The following CUL1 variants were observed in gnomAD, a reference collection of about 807,000 sequenced individuals.
CUL1 encodes cullin-1.
Under a neutral mutation model 118.0 loss-of-function variants are expected in CUL1, and 24 were observed. The ratio of observed to expected loss-of-function variants is 0.20; its 90% CI spans 0.15 to 0.29. CUL1 has a LOEUF of 0.29. Ranked by LOEUF, CUL1 falls within the 10% of genes least tolerant of loss-of-function variation. The probability of loss-of-function intolerance (pLI) is 1.00; values close to 1 mark genes in which losing one functional copy is unlikely to be tolerated. For synonymous variants in CUL1, 332 were observed against 340.4 expected (o/e 0.98, Z 0.27); for missense variants, 361 against 933.8 (o/e 0.39, Z 7.99).
chr7:148,725,215 G>GCACACACACACACACACA (rs1448782052), intron 1 of CUL1, among the ~76,000 whole-genome samples: 2 of 69,036 alleles, frequency 2.9e-5, no homozygotes, highest in African/African-American at 1.2e-4. Flanking sequence ...ACACACACGC[G>GCACACACACACACACACA]CGCGCTCACA....
At chr7:148,784,632 A>T (rs1324457632) in intron 11 of CUL1, among the ~76,000 whole-genome samples, 1 of 152,090 alleles carries the variant, frequency 6.6e-6, no homozygotes, top group Non-Finnish European at 1.5e-5. Flanking sequence ...TTTCACTTTA[A>T]GTTTCCTTCA....
At chr7:148,759,178 A>C (rs1258218795) in intron 4 of CUL1, 126 bp from the exon 5 acceptor site, 1 of 842,388 alleles carries the variant, frequency 1.2e-6, no homozygotes, top group Non-Finnish European at 1.9e-6. Flanking sequence ...TCCTGATAGC[A>C]GATTTTGACC....
chr7:148,787,013 G>T lies in CUL1; in HGVS notation c.1372G>T (p.Asp458Tyr). The change falls in exon 13 of 22, where the codon GAC becomes TAC. Residue 458 changes from aspartate to tyrosine, a missense_variant. By Grantham distance (160) the Asp-to-Tyr change is radical. Coordinates refer to ENST00000325222, the MANE Select transcript of CUL1 (RefSeq NM_003592.3). The surrounding 1 kb of genome is among the most constrained non-coding windows in gnomAD (Gnocchi z 5.5). ...QVMVVFKYIE[D>Y]KDVFQKFYAK... ...GATGGTTGTCTTCAAGTACATAGAA[G>T]ACAAAGACGTATTTCAGAAGTTCTA... 6.2e-7 allele frequency: 1 copy of T among 1,611,894 alleles called. No individual in the cohort carries two copies.
At chr7:148,738,887 C>G (rs923827486) in intron 2 of CUL1, among the ~76,000 whole-genome samples, 10 of 152,044 alleles carry the variant, frequency 6.6e-5, no homozygotes, top group African/African-American at 2.4e-4. Flanking sequence ...TTCTACTCTT[C>G]TAAAGTAAAT....
intron 1 of CUL1, among the ~76,000 whole-genome samples, chr7:148,721,793 G>A (rs56086116): frequency 0.092 from 13,917 of 151,860 alleles, 701 homozygotes; most frequent in South Asian, 0.18. Flanking sequence ...GGCTCATTTT[G>A]TGTGGTCTGT....
chr7:148,799,650 C>T (rs1801321912), intron 21 of CUL1, among the ~76,000 whole-genome samples: 1 of 152,190 alleles, frequency 6.6e-6, no homozygotes, highest in Admixed American at 6.5e-5. Context: ...ACATGCCCGG[C>T]ATCCCGGAAG....
intron 2 of CUL1, among the ~76,000 whole-genome samples, chr7:148,742,265 C>G (rs572085856): frequency 1.3e-5 from 2 of 152,258 alleles, no homozygotes; most frequent in Admixed American, 1.3e-4. Flanking sequence ...AGAGGTTTAA[C>G]GGACTCAGAG....
In CUL1 at chr7:148,752,941, C is replaced by T. The variant is rs1799538974; in HGVS notation, c.141-1035C>T. On this transcript the variant is annotated intron_variant, in intron 2 of 21. Coordinates refer to ENST00000325222, the MANE Select transcript of CUL1 (RefSeq NM_003592.3). ...TGCTGGGATTACAGGCGCGAGCCAC[C>T]GCGCCCAGCCTGAATTCATTTTTTT... Among the ~76,000 whole-genome samples the T allele has an allele frequency of 5.3e-5, 8 of 152,218 alleles. No homozygotes were observed. The South Asian group carries it at 1.2e-3, about 24-fold the overall frequency.
intron 2 of CUL1, among the ~76,000 whole-genome samples, chr7:148,735,400 C>G (rs1053377892): frequency 1.3e-5 from 2 of 152,262 alleles, no homozygotes; most frequent in Non-Finnish European, 2.9e-5. Flanking sequence ...GGTCCACACT[C>G]TGACCATCGC....
At chr7:148,732,665 T>G (rs983604253) in intron 2 of CUL1, among the ~76,000 whole-genome samples, 7 of 152,154 alleles carry the variant, frequency 4.6e-5, no homozygotes, top group African/African-American at 7.2e-5. Flanking sequence ...GTGTTCTTTT[T>G]TAAATCAGGT....
At chr7:148,793,527 A>G (rs1268482630) in intron 17 of CUL1, among the ~76,000 whole-genome samples, 1 of 152,222 alleles carries the variant, frequency 6.6e-6, no homozygotes, top group African/African-American at 2.4e-5. Context: ...GACATTTCAT[A>G]TAAATGGAAT....
intron 2 of CUL1, among the ~76,000 whole-genome samples, chr7:148,735,964 G>A (rs1798924623): frequency 6.6e-6 from 1 of 150,608 alleles, no homozygotes; most frequent in African/African-American, 2.5e-5. Context: ...CTTGAGCTCA[G>A]GAGTTTGAGA....
upstream of CUL1, chr7:148,698,607 C>G (rs1020553294): frequency 6.6e-6 from 1 of 151,826 alleles, no homozygotes; most frequent in African/African-American, 2.4e-5. Context: ...CCGCCGGCAG[C>G]GGCGAGCGGG....
At position 148,781,151 on chromosome 7, in the gene CUL1, G is replaced by A. The variant is rs530278148; in HGVS notation, c.1084-2632G>A. On this transcript the variant is annotated intron_variant, in intron 9 of 21. Transcript: ENST00000325222. ...GGCTGGAATGCAGTGGCGCGATCTC[G>A]GCTCACTGCATCCTCCATCTCCCGG... Among the ~76,000 whole-genome samples, 10 of 141,136 alleles carry A rather than the reference G, an allele frequency of 7.1e-5. No individual in the cohort carries two copies. In the East Asian group the frequency reaches 1.5e-3, roughly 22 times the overall value. The allele number at this position is 141,136 out of a possible 152,430, so 92.6% of individuals were successfully genotyped here.
intron 9 of CUL1, 50 bp downstream of exon 9, chr7:148,767,799 G>A (rs201931094): frequency 1.9e-5 from 30 of 1,582,862 alleles, no homozygotes; most frequent in Non-Finnish European, 2.4e-5. Context: ...TTCCACATGC[G>A]AACTGCAAGC....
At chr7:148,718,177 C>G (rs557775182) in intron 1 of CUL1, among the ~76,000 whole-genome samples, 2 of 152,228 alleles carry the variant, frequency 1.3e-5, no homozygotes, top group South Asian at 4.1e-4. Flanking sequence ...AGATTTACAG[C>G]TAGCATGCTT....
At chr7:148,749,605 T>A (rs183625235) in intron 2 of CUL1, among the ~76,000 whole-genome samples, 1 of 152,218 alleles carries the variant, frequency 6.6e-6, no homozygotes, top group East Asian at 1.9e-4. Context: ...CATAAATGCA[T>A]GTGTCTGCTC....
chr7:148,706,252 A>G (rs557643722), intron 1 of CUL1, among the ~76,000 whole-genome samples: 4 of 152,334 alleles, frequency 2.6e-5, no homozygotes, highest in African/African-American at 9.6e-5. Context: ...AGCATTTCAG[A>G]TAAAGGATAC....
At chr7:148,757,213 TTGTC>T in intron 4 of CUL1, 63 bp downstream of exon 4, 1 of 1,134,528 alleles carries the variant, frequency 8.8e-7, no homozygotes, top group Non-Finnish European at 1.2e-6. Flanking sequence ...TAATGGCAAA[TTGTC>T]TTTCAGCAAG....
Sources: gnomAD v4.1 joint callset for allele counts (sites outside exome capture counted in the v4.1 genomes callset) on GRCh38, gnomAD v4.1.1 for gene constraint, Gnocchi (gnomAD v3.1) non-coding constraint, MANE v1.5 for transcripts, NCBI Gene and HGNC (gene_info 2026-07-23, HGNC 2026-07-21) for gene names.